MSR1: variants seen among roughly 807,000 people sequenced by gnomAD.
MSR1 encodes macrophage scavenger receptor types I and II.
Under a neutral mutation model 47.2 loss-of-function variants are expected in MSR1, and 53 were observed. The ratio of observed to expected loss-of-function variants is 1.12; its 90% CI spans 0.90 to 1.41. The LOEUF (loss-of-function observed/expected upper bound fraction) is 1.41. Among genes scored for constraint, MSR1 ranks in the 40% most tolerant of loss-of-function variants. The pLI is 0.00. For missense variants in MSR1, 786 were observed against 546.9 expected (o/e 1.44, Z -4.36); for synonymous variants, 239 against 185.6 (o/e 1.29, Z -2.34).
chr8:16,132,825 G>C (rs187833594), intron 8 of MSR1, among the ~76,000 whole-genome samples: 2 of 148,210 alleles, frequency 1.3e-5, no homozygotes, highest in South Asian at 2.1e-4. Flanking sequence ...AGGAGTAGTG[G>C]AGAGGGCATC....
chr8:16,137,647 A>C (rs916401398), intron 8 of MSR1, among the ~76,000 whole-genome samples: 1 of 152,072 alleles, frequency 6.6e-6, no homozygotes, highest in Admixed American at 6.6e-5. Flanking sequence ...AGAAATTGGG[A>C]TAATAGTCCT....
At chr8:16,178,578 T>C (rs1211583675) in intron 1 of MSR1, among the ~76,000 whole-genome samples, 1 of 152,182 alleles carries the variant, frequency 6.6e-6, no homozygotes, top group East Asian at 1.9e-4. Flanking sequence ...TGTGCATGTG[T>C]CTTTATACCA....
At chr8:16,181,747 A>G (rs1563170691) in intron 1 of MSR1, among the ~76,000 whole-genome samples, 1 of 152,010 alleles carries the variant, frequency 6.6e-6, no homozygotes, top group African/African-American at 2.4e-5. Context: ...GTGTATACCT[A>G]TGTAACAAAC....
intron 4 of MSR1, among the ~76,000 whole-genome samples, chr8:16,167,719 T>C (rs947428457): frequency 5.9e-5 from 9 of 152,224 alleles, no homozygotes; most frequent in Non-Finnish European, 1.2e-4. Flanking sequence ...TTCTTCTCCA[T>C]TCTTCTTTCC....
intron 8 of MSR1, chr8:16,140,913 G>A: frequency 6.2e-7 from 1 of 1,611,246 alleles, no homozygotes; most frequent in South Asian, 1.1e-5. Context: ...AAAGGATCTT[G>A]GAAGTCAGTT....
intron 1 of MSR1, among the ~76,000 whole-genome samples, chr8:16,191,332 G>T (rs1390241950): frequency 6.6e-6 from 1 of 152,050 alleles, no homozygotes; most frequent in East Asian, 1.9e-4. Flanking sequence ...TATTGACTGT[G>T]ACATCATTTA....
chr8:16,186,170 G>T (rs763249142), intron 1 of MSR1: 1 of 1,534,912 alleles, frequency 6.5e-7, no homozygotes, highest in Non-Finnish European at 8.7e-7. Context: ...GTTTTTTGTT[G>T]AGAAGAGAGA....
intron 9 of MSR1, 58 bp from the exon 10 acceptor site, chr8:16,110,276 G>A (rs1799728602): frequency 1.3e-6 from 2 of 1,580,588 alleles, no homozygotes; most frequent in Admixed American, 1.7e-5. Context: ...TTCTCTTTGA[G>A]TGGGGCAAAG....
At chr8:16,163,463 T>C (rs1343073399) in intron 5 of MSR1, among the ~76,000 whole-genome samples, 1 of 150,768 alleles carries the variant, frequency 6.6e-6, no homozygotes, top group Non-Finnish European at 1.5e-5. Flanking sequence ...AATCAAAAAA[T>C]CAAAATATAG....
intron 9 of MSR1, among the ~76,000 whole-genome samples, chr8:16,115,180 G>A (rs1309479531): frequency 6.0e-5 from 9 of 150,676 alleles, no homozygotes; most frequent in South Asian, 2.1e-4. Flanking sequence ...ACTCCATCTC[G>A]AAAAAAAAAT....
intron 7 of MSR1, 83 bp downstream of exon 7, chr8:16,150,136 GTGTGTATATATA>G: frequency 1.1e-5 from 2 of 189,868 alleles, no homozygotes; most frequent in East Asian, 2.6e-4. Flanking sequence ...GTATGTGTGT[GTGTGTATATATA>G]TATATATATA....
At chr8:16,134,530 C>A (rs529914926) in intron 8 of MSR1, among the ~76,000 whole-genome samples, 1 of 152,164 alleles carries the variant, frequency 6.6e-6, no homozygotes, top group East Asian at 1.9e-4. Flanking sequence ...GGCTGTTCCC[C>A]CTTCTGTCTC....
intron 3 of MSR1, among the ~76,000 whole-genome samples, chr8:16,173,682 CTG>C (rs1475059042): frequency 6.6e-6 from 1 of 151,988 alleles, no homozygotes; most frequent in African/African-American, 2.4e-5. Flanking sequence ...GAGTCTCGCT[CTG>C]TCCCCTCAGG....
chr8:16,120,325 C>CACTGCACTCCA (rs893069889), intron 9 of MSR1, 93 bp downstream of exon 9: 1 of 1,353,216 alleles, frequency 7.4e-7, no homozygotes, highest in Admixed American at 1.8e-5. Context: ...TGCAGTGAGC[C>CACTGCACTCCA]GAGATCGCGC....
At chr8:16,165,150 A>C (rs1801269107) in intron 4 of MSR1, among the ~76,000 whole-genome samples, 1 of 152,044 alleles carries the variant, frequency 6.6e-6, no homozygotes, top group Admixed American at 6.6e-5. Flanking sequence ...CATCTTCCTG[A>C]AGTGGATTTG....
intron 1 of MSR1, among the ~76,000 whole-genome samples, chr8:16,180,931 T>A (rs1201854757): frequency 6.6e-6 from 1 of 152,110 alleles, no homozygotes; most frequent in Non-Finnish European, 1.5e-5. Context: ...GAGGTAGGCA[T>A]AGAACCCAAA....
In MSR1 at chr8:16,164,150, C is replaced by G; in HGVS notation, c.732G>C (p.Val244=). The G allele has an allele frequency of 1.2e-6, 2 of 1,612,164 alleles. No individual in the cohort carries two copies. Among genetic ancestry groups the G allele is most frequent in the Non-Finnish European group, 1.7e-6 (2 of 1,178,736 alleles). The change falls in exon 5 of 10, where the codon GTG becomes GTC. Residue 244 remains valine (V), a synonymous_variant. Transcript: ENST00000262101. ...CATTAGTGATGTTATTCAGTACTTT[C>G]ACTTCTCCTTTTATTTCCTGTTCCA... The part of the protein sequence containing the change: ...VHLEQEIKGE[V]KVLNNITNDL...
rs144539089 is a variant in MSR1 at position 16,180,487 on chromosome 8, G to A, written c.-4-2495C>T. ...ATTTTAAGAACCTTTTCCATAAAAG[G>A]TGATTATGACTTCTTTTGTTGGACA... On this transcript the variant is annotated intron_variant, in intron 1 of 9. Coordinates refer to ENST00000262101, the MANE Select transcript of MSR1 (RefSeq NM_138715.3). 3.4e-3 allele frequency among the ~76,000 whole-genome samples: 521 copies of A among 152,256 alleles called. 6 individuals carry two copies. Among genetic ancestry groups the A allele is most frequent in the Non-Finnish European group, 2.6e-3 (176 of 68,030 alleles).
intron 5 of MSR1, among the ~76,000 whole-genome samples, chr8:16,158,072 A>T (rs534851612): frequency 4.6e-5 from 7 of 152,104 alleles, no homozygotes; most frequent in Admixed American, 2.0e-4. Flanking sequence ...CAATAAATGG[A>T]CAAAATGCTA....
Sources: allele counts gnomAD v4.1 joint callset (sites outside exome capture counted in the v4.1 genomes callset), GRCh38; gene constraint gnomAD v4.1.1; transcripts MANE v1.5; gene names NCBI Gene and HGNC (gene_info 2026-07-23, HGNC 2026-07-21).